AMY2B: variants seen among roughly 807,000 people sequenced by gnomAD.
The protein encoded by AMY2B is amylase alpha 2B.
In AMY2B, 63 loss-of-function variants were observed where a neutral mutation model predicts 59.3. The ratio of observed to expected loss-of-function variants is 1.06; its 90% CI spans 0.87 to 1.31. The LOEUF (loss-of-function observed/expected upper bound fraction) is 1.31. Ranked by LOEUF, AMY2B falls within the 50% of genes most tolerant of loss-of-function variation. The pLI is 0.00. For missense variants in AMY2B, 635 were observed against 626.7 expected (o/e 1.01, Z -0.14); for synonymous variants, 180 against 198.1 (o/e 0.91, Z 0.77).
At chr1:103,570,726 A>T, upstream of AMY2B, 1 of 527,924 alleles carries the variant, frequency 1.9e-6, no homozygotes, top group Non-Finnish European at 3.8e-6. Context: ...ATTCAGAAGT[A>T]AAAATTTGCC....
At chr1:103,561,304 G>A (rs755197617) in intron 1 of AMY2B, among the ~76,000 whole-genome samples, 5 of 152,026 alleles carry the variant, frequency 3.3e-5, no homozygotes, top group East Asian at 1.9e-4. Flanking sequence ...TCTCATTCTT[G>A]TTGCCCAGGC....
chr1:103,564,581 C>A (rs1025575310), intron 1 of AMY2B, among the ~76,000 whole-genome samples: 16 of 152,078 alleles, frequency 1.1e-4, no homozygotes, highest in African/African-American at 3.9e-4. Context: ...TGACTTCATC[C>A]AATATCTTTT....
intron 2 of AMY2B, chr1:103,565,633 G>C (rs1651884283): frequency 1.3e-5 from 2 of 151,834 alleles, no homozygotes; most frequent in African/African-American, 2.4e-5. Context: ...AGAGTTCCAA[G>C]AGATCAAACT....
At chr1:103,564,031 A>C (rs907251864) in intron 1 of AMY2B, among the ~76,000 whole-genome samples, 1 of 152,144 alleles carries the variant, frequency 6.6e-6, no homozygotes, top group African/African-American at 2.4e-5. Flanking sequence ...AGACAGTATG[A>C]GTTGATAGGA....
upstream of AMY2B, chr1:103,569,846 G>C: frequency 2.2e-6 from 1 of 458,580 alleles, no homozygotes; most frequent in South Asian, 1.8e-5. Context: ...CATGGCCTTG[G>C]AGGAGCACCT....
chr1:103,578,206 A>G (rs1247952609), intron 9 of AMY2B, among the ~76,000 whole-genome samples: 1 of 152,194 alleles, frequency 6.6e-6, no homozygotes, highest in African/African-American at 2.4e-5. Context: ...TGTTTTTTTA[A>G]TCATGGAAAA....
At chr1:103,571,060 C>T (rs528213482), upstream of AMY2B, 6 of 569,598 alleles carry the variant, frequency 1.1e-5, no homozygotes, top group Middle Eastern at 7.5e-4. Flanking sequence ...GATTTGTCTA[C>T]AGGCTGGTAA....
chr1:103,577,492 T>A lies in AMY2B; in HGVS notation c.1104T>A (p.Asp368Glu), dbSNP rs1182139742. 1 of 1,611,882 alleles carries A rather than the reference T, an allele frequency of 6.2e-7. No homozygotes were observed. The highest frequency in any genetic ancestry group is 2.2e-5 in the East Asian group (1 of 44,848). The change falls in exon 8 of 10, where the codon GAT becomes GAA. Residue 368 changes from aspartate to glutamate, a missense_variant and splice_region_variant. Asp to Glu is a conservative substitution (Grantham distance 45). Coordinates refer to ENST00000684275, the MANE Select transcript of AMY2B (RefSeq NM_001387437.1). ...RWPRQFQNGN[D>E]VNDWVGPPNN... The stretch of plus-strand genomic sequence containing the variant: ...TGGCTTTTCACCCCCTAATTAAGGA[T>A]GTTAATGATTGGGTTGGGCCACCAA...
upstream of AMY2B, chr1:103,569,393 GGTTT>G (rs879335606): frequency 1.2e-3 from 174 of 148,146 alleles, no homozygotes; most frequent in Non-Finnish European, 2.0e-3. Flanking sequence ...TATTTATGTG[GGTTT>G]GTGTGTGTGT....
At chr1:103,575,195 C>T in intron 5 of AMY2B, 28 bp from the exon 6 acceptor site, 1 of 1,612,412 alleles carries the variant, frequency 6.2e-7, no homozygotes, top group Non-Finnish European at 8.5e-7. Context: ...AATGATACAT[C>T]AACATATATC....
upstream of AMY2B, chr1:103,570,031 C>A: frequency 2.3e-6 from 1 of 435,676 alleles, no homozygotes; most frequent in Admixed American, 2.8e-5. Context: ...TGGGGTCACC[C>A]ACATGGTGCC....
chr1:103,569,665 C>T (rs74776140), upstream of AMY2B: 640 of 385,030 alleles, frequency 1.7e-3, 5 homozygotes, highest in Middle Eastern at 0.01. Flanking sequence ...TCGGTGCCCC[C>T]GGCACCAGGG....
At chr1:103,567,649 T>A (rs574091229), upstream of AMY2B, among the ~76,000 whole-genome samples, 1 of 152,168 alleles carries the variant, frequency 6.6e-6, no homozygotes, top group African/African-American at 2.4e-5. Flanking sequence ...TAATCTGGTT[T>A]CTTCCCAGAA....
chr1:103,579,091 TA>T (rs1557772904), intron 9 of AMY2B, among the ~76,000 whole-genome samples: 1 of 152,200 alleles, frequency 6.6e-6, no homozygotes, highest in African/African-American at 2.4e-5. Context: ...GATTTTTTGG[TA>T]ATATTTTCAC....
chr1:103,570,986 GTC>G (rs1652107643), upstream of AMY2B: 2 of 362,122 alleles, frequency 5.5e-6, no homozygotes, highest in African/African-American at 4.2e-5. Flanking sequence ...GGCTTGGTGA[GTC>G]TGCATGGCCA....
upstream of AMY2B, chr1:103,569,663 C>A: frequency 2.6e-6 from 1 of 386,846 alleles, no homozygotes. Context: ...CATCGGTGCC[C>A]CCGGCACCAG....
chr1:103,572,040 GATTA>G, intron 1 of AMY2B, 66 bp from the exon 2 acceptor site: 4 of 1,598,742 alleles, frequency 2.5e-6, no homozygotes, highest in Non-Finnish European at 3.4e-6. Flanking sequence ...TTATATTATT[GATTA>G]GTTTCTAGAA....
chr1:103,555,004 T>C (rs908593678), exon 1 of AMY2B: 4 of 152,300 alleles, frequency 2.6e-5, no homozygotes, highest in South Asian at 2.1e-4. Flanking sequence ...TTATACTTCC[T>C]ATTTTTAATG....
intron 5 of AMY2B, 112 bp downstream of exon 5, chr1:103,574,505 A>G (rs759816515): frequency 6.3e-6 from 10 of 1,576,444 alleles, no homozygotes; most frequent in Middle Eastern, 4.6e-4. Flanking sequence ...CAAGGAGTCA[A>G]TTGTTAATGA....
Sources: gnomAD v4.1 joint callset for allele counts (sites outside exome capture counted in the v4.1 genomes callset) on GRCh38, gnomAD v4.1.1 for gene constraint, MANE v1.5 for transcripts, NCBI Gene and HGNC (gene_info 2026-07-23, HGNC 2026-07-21) for gene names.